The following SORCS3 variants were observed in gnomAD, a reference collection of about 807,000 sequenced individuals.
The protein encoded by SORCS3 is VPS10 domain-containing receptor SorCS3.
In SORCS3, 57 loss-of-function variants were observed where a neutral mutation model predicts 146.3. The observed-to-expected ratio is 0.39, with a 90% CI of 0.31 to 0.49. The LOEUF (loss-of-function observed/expected upper bound fraction) is 0.49. Ranked by LOEUF, SORCS3 falls within the 20% of genes least tolerant of loss-of-function variation. The pLI, the probability that SORCS3 is intolerant of heterozygous loss-of-function variation, is 0.92. For synonymous variants in SORCS3, 653 were observed against 618.5 expected (o/e 1.06, Z -0.83); for missense variants, 1,341 against 1,575.5 (o/e 0.85, Z 2.52).
At chr10:105,178,829 C>T (rs2056425009) in intron 14 of SORCS3, among the ~76,000 whole-genome samples, 1 of 152,154 alleles carries the variant, frequency 6.6e-6, no homozygotes, top group Admixed American at 6.5e-5. Context: ...GAGAACCTTA[C>T]ACCTCAGCTC....
intron 9 of SORCS3, among the ~76,000 whole-genome samples, chr10:105,153,521 C>A (rs1200254603): frequency 6.6e-6 from 1 of 152,012 alleles, no homozygotes; most frequent in African/African-American, 2.4e-5. Flanking sequence ...CAAATTATTC[C>A]AAAAGTGGCT....
At chr10:104,995,497 T>C (rs557810242) in intron 4 of SORCS3, among the ~76,000 whole-genome samples, 8 of 152,294 alleles carry the variant, frequency 5.3e-5, no homozygotes, top group Non-Finnish European at 1.2e-4. Context: ...GGTAGCTCAT[T>C]GTGGTTGTAA....
At chr10:105,130,683 AC>A (rs1310524012) in intron 7 of SORCS3, among the ~76,000 whole-genome samples, 3 of 152,150 alleles carry the variant, frequency 2.0e-5, no homozygotes, top group Non-Finnish European at 4.4e-5. Flanking sequence ...ATGTTAGGGC[AC>A]CAATAAAAGA....
chr10:104,641,709 G>A lies in SORCS3; in HGVS notation c.382G>A (p.Ala128Thr). ...CCCAGCTCCTGCCAAGCTTGGCGGC[G>A]CGAGGAGGAGTCGCCGGGCGCAGCC... ...GIPAPAKLGG[A>T]RRSRRAQPPI... The change falls in exon 1 of 27, where the codon GCG becomes ACG. Residue 128 changes from alanine to threonine, a missense_variant. Coordinates refer to ENST00000369701, the MANE Select transcript of SORCS3 (RefSeq NM_014978.3). This position sits in a 1 kb window ranked among gnomAD's most constrained non-coding sequence, Gnocchi z 6.4. 1 of 1,539,478 alleles carries A rather than the reference G, an allele frequency of 6.5e-7. No individual in the cohort carries two copies. Among genetic ancestry groups the A allele is most frequent in the Non-Finnish European group, 8.7e-7 (1 of 1,144,556 alleles).
chr10:104,814,392 AC>A (rs1420471987), intron 1 of SORCS3, among the ~76,000 whole-genome samples: 1 of 152,142 alleles, frequency 6.6e-6, no homozygotes, highest in African/African-American at 2.4e-5. Context: ...ACCCTCAGCA[AC>A]CCTGAACTAA....
chr10:104,923,209 A>G (rs2019105363), intron 3 of SORCS3, among the ~76,000 whole-genome samples: 1 of 152,186 alleles, frequency 6.6e-6, no homozygotes, highest in Non-Finnish European at 1.5e-5. Flanking sequence ...TGTTTTTCAG[A>G]GGGCTTTGCA....
intron 1 of SORCS3, among the ~76,000 whole-genome samples, chr10:104,666,663 T>A (rs2015781929): frequency 6.6e-6 from 1 of 152,174 alleles, no homozygotes; most frequent in African/African-American, 2.4e-5. Flanking sequence ...TGGAGTGCAG[T>A]GATGTGATCA....
At chr10:104,893,878 C>T (rs990685482) in intron 2 of SORCS3, among the ~76,000 whole-genome samples, 4 of 152,160 alleles carry the variant, frequency 2.6e-5, no homozygotes, top group Non-Finnish European at 4.4e-5. Context: ...CTCGGGTTTT[C>T]TCCTGTGACA....
rs570490793 is a variant in SORCS3 at position 104,824,119 on chromosome 10, A to G, written c.628-18673A>G. Among the ~76,000 whole-genome samples the G allele has an allele frequency of 5.9e-5, 9 of 152,248 alleles. No individual in the cohort carries two copies. The East Asian group carries it at 1.7e-3, about 29-fold the overall frequency. ...CAATACCTTGATTATAGCCAGTAAAACCCATTTTGGACTTCTGGCCCCCAT... is the reference window on the plus strand; with the variant it reads ...CAATACCTTGATTATAGCCAGTAAAGCCCATTTTGGACTTCTGGCCCCCAT... On this transcript the variant is annotated intron_variant, in intron 1 of 26. Coordinates refer to ENST00000369701, the MANE Select transcript of SORCS3 (RefSeq NM_014978.3).
chr10:104,798,109 CT>C (rs1411414355), intron 1 of SORCS3, among the ~76,000 whole-genome samples: 1 of 152,172 alleles, frequency 6.6e-6, no homozygotes, highest in Admixed American at 6.5e-5. Flanking sequence ...AGAAAGGGCT[CT>C]GGCTGTAGCT....
chr10:104,906,756 T>C (rs1279997951), intron 2 of SORCS3, among the ~76,000 whole-genome samples: 1 of 152,230 alleles, frequency 6.6e-6, no homozygotes, highest in African/African-American at 2.4e-5. Context: ...ATGTGTTAAT[T>C]TGTTGATTAA....
intron 20 of SORCS3, among the ~76,000 whole-genome samples, chr10:105,231,391 T>A (rs944459654): frequency 2.0e-5 from 3 of 152,214 alleles, no homozygotes; most frequent in African/African-American, 7.2e-5. Flanking sequence ...TATAATTATG[T>A]ATTAGTCCCA....
At chr10:104,940,220 ATATATATATATATATATATTTTTTTT>A (rs1308443702) in intron 3 of SORCS3, among the ~76,000 whole-genome samples, 11 of 14,200 alleles carry the variant, frequency 7.7e-4, no homozygotes, top group Non-Finnish European at 1.2e-3. Context: ...ATATATATAT[ATATATATATATATATATATTTTTTTT>A]TTTTTTTTTA....
chr10:104,662,273 CAT>C (rs2015712462), intron 1 of SORCS3, among the ~76,000 whole-genome samples: 1 of 152,148 alleles, frequency 6.6e-6, no homozygotes, highest in South Asian at 2.1e-4. Context: ...TTTAAAATGA[CAT>C]AATTTTGCAA....
chr10:104,760,476 A>G (rs147352102), intron 1 of SORCS3, among the ~76,000 whole-genome samples: 121 of 152,340 alleles, frequency 7.9e-4, no homozygotes, highest in African/African-American at 2.7e-3. Context: ...TCAAGATGTC[A>G]AGAGTTTTAT....
At chr10:104,658,347 T>C (rs1347383509) in intron 1 of SORCS3, among the ~76,000 whole-genome samples, 1 of 152,190 alleles carries the variant, frequency 6.6e-6, no homozygotes, top group Non-Finnish European at 1.5e-5. Flanking sequence ...ACATGAGTAT[T>C]ATGTCTGCAT....
intron 1 of SORCS3, among the ~76,000 whole-genome samples, chr10:104,727,961 C>G (rs138558356): frequency 6.6e-6 from 1 of 152,042 alleles, no homozygotes; most frequent in Non-Finnish European, 1.5e-5. Flanking sequence ...AAATTGTCTT[C>G]CACAAAACCG....
chr10:104,822,021 T>G, intron 1 of SORCS3: 1 of 500,688 alleles, frequency 2.0e-6, no homozygotes, highest in South Asian at 1.5e-5. Context: ...TCATACCATC[T>G]CAGCCTACTG....
At chr10:104,675,231 T>TA (rs1224498309) in intron 1 of SORCS3, among the ~76,000 whole-genome samples, 2 of 152,254 alleles carry the variant, frequency 1.3e-5, no homozygotes, top group East Asian at 3.8e-4. Flanking sequence ...TTCATATGCC[T>TA]AATGGCCATT....
Sources: allele counts gnomAD v4.1 joint callset (sites outside exome capture counted in the v4.1 genomes callset), GRCh38; gene constraint gnomAD v4.1.1; non-coding constraint Gnocchi (gnomAD v3.1); transcripts MANE v1.5; gene names NCBI Gene and HGNC (gene_info 2026-07-23, HGNC 2026-07-21).